The following NEGR1 variants were observed in gnomAD, a reference collection of about 807,000 sequenced individuals.
NEGR1 encodes neuronal growth regulator 1.
Under a neutral mutation model 40.9 loss-of-function variants are expected in NEGR1, and 10 were observed. The observed-to-expected ratio is 0.24, with a 90% CI of 0.15 to 0.42. NEGR1 has a LOEUF of 0.42. Ranked by LOEUF, NEGR1 falls within the 10% of genes least tolerant of loss-of-function variation. NEGR1 has a pLI of 1.00. For missense variants in NEGR1, 352 were observed against 438.9 expected (o/e 0.80, Z 1.77); for synonymous variants, 185 against 166.8 (o/e 1.11, Z -0.84).
chr1:72,220,931 T>TA (rs1553151598), intron 1 of NEGR1, among the ~76,000 whole-genome samples: 355 of 148,814 alleles, frequency 2.4e-3, no homozygotes, highest in African/African-American at 7.8e-3. Context: ...TTTTTTTTTT[T>TA]AATAACAAAG....
At chr1:71,495,153 A>G (rs564607973) in intron 6 of NEGR1, among the ~76,000 whole-genome samples, 1 of 152,254 alleles carries the variant, frequency 6.6e-6, no homozygotes, top group South Asian at 2.1e-4. Flanking sequence ...GTCAACAGTA[A>G]GCTCTTAGTA....
At chr1:72,100,183 C>G (rs1435140070) in intron 1 of NEGR1, among the ~76,000 whole-genome samples, 2 of 152,120 alleles carry the variant, frequency 1.3e-5, no homozygotes, top group South Asian at 2.1e-4. Context: ...TAGCTACCAC[C>G]AAAGGATCCA....
At chr1:71,409,878 A>G (rs904331147) in intron 6 of NEGR1, among the ~76,000 whole-genome samples, 1 of 152,004 alleles carries the variant, frequency 6.6e-6, no homozygotes, top group Non-Finnish European at 1.5e-5. Flanking sequence ...TAGAAAATGT[A>G]CTATAGTAGT....
intron 2 of NEGR1, among the ~76,000 whole-genome samples, chr1:71,852,760 G>A (rs1176922044): frequency 6.6e-6 from 1 of 150,888 alleles, no homozygotes; most frequent in Non-Finnish European, 1.5e-5. Flanking sequence ...TGAGAGGTAA[G>A]TAGGTTTGAA....
intron 6 of NEGR1, among the ~76,000 whole-genome samples, chr1:71,449,292 A>G (rs919485131): frequency 6.6e-6 from 1 of 152,346 alleles, no homozygotes; most frequent in Admixed American, 6.5e-5. Flanking sequence ...TTGATTTGAC[A>G]CTGTTTACAC....
chr1:71,471,918 G>A (rs1462771213), intron 6 of NEGR1, among the ~76,000 whole-genome samples: 1 of 152,010 alleles, frequency 6.6e-6, no homozygotes, highest in East Asian at 1.9e-4. Flanking sequence ...TCCAGAGGCT[G>A]AACCCAGCTG....
At chr1:71,721,942 A>G (rs1257949456) in intron 3 of NEGR1, among the ~76,000 whole-genome samples, 1 of 152,108 alleles carries the variant, frequency 6.6e-6, no homozygotes, top group Non-Finnish European at 1.5e-5. Context: ...ATAAGAATAA[A>G]AAGACTGAAA....
At chr1:72,089,500 G>GT (rs1199513164) in intron 1 of NEGR1, among the ~76,000 whole-genome samples, 1 of 152,050 alleles carries the variant, frequency 6.6e-6, no homozygotes, top group Non-Finnish European at 1.5e-5. Context: ...TTCGTATAAA[G>GT]TAACACCAAT....
intron 6 of NEGR1, among the ~76,000 whole-genome samples, chr1:71,554,971 T>C (rs1174536276): frequency 1.3e-5 from 2 of 151,560 alleles, no homozygotes; most frequent in African/African-American, 2.4e-5. Context: ...TCAACGGTCT[T>C]ACTTTTTTTC....
At chr1:72,063,151 A>G (rs1305844555) in intron 1 of NEGR1, among the ~76,000 whole-genome samples, 1 of 151,964 alleles carries the variant, frequency 6.6e-6, no homozygotes, top group African/African-American at 2.4e-5. Context: ...ATTTTATAAG[A>G]TCAATTTATA....
chr1:71,626,333 G>A (rs1650776238), intron 4 of NEGR1, among the ~76,000 whole-genome samples: 1 of 151,496 alleles, frequency 6.6e-6, no homozygotes, highest in Non-Finnish European at 1.5e-5. Context: ...TTAATATTAG[G>A]TATATCTCTT....
At chr1:72,185,907 C>G (rs903182255) in intron 1 of NEGR1, among the ~76,000 whole-genome samples, 1 of 151,660 alleles carries the variant, frequency 6.6e-6, no homozygotes, top group Non-Finnish European at 1.5e-5. Flanking sequence ...CTATATTCAC[C>G]CATATAGGGG....
At chr1:71,735,628 C>T (rs929960491) in intron 3 of NEGR1, among the ~76,000 whole-genome samples, 2 of 151,808 alleles carry the variant, frequency 1.3e-5, no homozygotes, top group African/African-American at 2.4e-5. Context: ...AAAATGAATA[C>T]ACATAAACAC....
At chr1:72,083,531 T>TTTA (rs1648088126) in intron 1 of NEGR1, among the ~76,000 whole-genome samples, 1 of 152,076 alleles carries the variant, frequency 6.6e-6, no homozygotes, top group Non-Finnish European at 1.5e-5. Context: ...GCTCTCTCTG[T>TTTA]TTGTCTTTAA....
chr1:71,723,751 AG>A (rs1557628058), intron 3 of NEGR1, among the ~76,000 whole-genome samples: 1 of 152,200 alleles, frequency 6.6e-6, no homozygotes, highest in African/African-American at 2.4e-5. Flanking sequence ...AGAACCAGAG[AG>A]GGGGAAGTGG....
intron 1 of NEGR1, among the ~76,000 whole-genome samples, chr1:71,942,483 A>ATATT (rs1168293461): frequency 2.1e-4 from 4 of 18,616 alleles, no homozygotes; most frequent in East Asian, 2.4e-3. Flanking sequence ...ATATATATAT[A>ATATT]TTTTTTTTTT....
chr1:71,869,882 TC>T (rs1346562176), intron 2 of NEGR1, among the ~76,000 whole-genome samples: 5 of 149,878 alleles, frequency 3.3e-5, no homozygotes, highest in Admixed American at 6.6e-5. Flanking sequence ...TTTCTTTCTT[TC>T]TTTTTTTTTT....
chr1:72,011,700 C>T (rs943305052), intron 1 of NEGR1, among the ~76,000 whole-genome samples: 3 of 152,074 alleles, frequency 2.0e-5, no homozygotes, highest in Admixed American at 2.0e-4. Flanking sequence ...AAGGAAACAT[C>T]GGTGAATGAC....
chr1:71,592,332 T>C (rs998943764), intron 6 of NEGR1, among the ~76,000 whole-genome samples: 4 of 152,160 alleles, frequency 2.6e-5, no homozygotes, highest in Non-Finnish European at 5.9e-5. Context: ...ATATTATCTA[T>C]ATGGATAAAA....
Sources: gnomAD v4.1 joint callset for allele counts (sites outside exome capture counted in the v4.1 genomes callset) on GRCh38, gnomAD v4.1.1 for gene constraint, MANE v1.5 for transcripts, NCBI Gene and HGNC (gene_info 2026-07-23, HGNC 2026-07-21) for gene names.